The following CLYBL variants were observed in gnomAD, a reference collection of about 807,000 sequenced individuals.
CLYBL encodes the protein citramalyl-CoA lyase, mitochondrial.
A neutral mutation model predicts 38.9 loss-of-function variants in CLYBL; 31 were observed. That is an observed-to-expected ratio of 0.80 (90% CI 0.60 to 1.08). CLYBL has a LOEUF of 1.08. Among genes scored for constraint, CLYBL ranks in the 50% least tolerant of loss-of-function variants. The pLI is 0.00. For missense variants in CLYBL, 434 were observed against 411.6 expected, an observed-to-expected ratio of 1.05 and a Z score of -0.47; for synonymous variants, 171 against 158.6, an observed-to-expected ratio of 1.08 and a Z score of -0.59.
chr13:99,884,475 A>G (rs541122199), intron 7 of CLYBL, among the ~76,000 whole-genome samples: 30 of 152,284 alleles, frequency 2.0e-4, no homozygotes, highest in Non-Finnish European at 3.7e-4. Flanking sequence ...CACGTCCCAC[A>G]GGATGCCCCA....
At chr13:99,753,677 A>C (rs2048998183) in intron 1 of CLYBL, among the ~76,000 whole-genome samples, 1 of 152,192 alleles carries the variant, frequency 6.6e-6, no homozygotes, top group Admixed American at 6.5e-5. Flanking sequence ...TTTTAGTGGC[A>C]ATCTCTTTTT....
At chr13:99,646,809 C>A (rs966991253) in intron 1 of CLYBL, among the ~76,000 whole-genome samples, 1 of 151,996 alleles carries the variant, frequency 6.6e-6, no homozygotes, top group African/African-American at 2.4e-5. Context: ...CAGGCGTGAG[C>A]CACCACGCCT....
intron 1 of CLYBL, among the ~76,000 whole-genome samples, chr13:99,611,822 T>G (rs1369984367): frequency 1.3e-5 from 2 of 152,248 alleles, no homozygotes; most frequent in Admixed American, 6.5e-5. Context: ...TTGAGTAAGC[T>G]TTGGTAGTTT....
chr13:99,894,738 G>GA (rs1372884755), downstream of CLYBL: 1 of 58,228 alleles, frequency 1.7e-5, no homozygotes, highest in African/African-American at 6.6e-5. Context: ...GCCTGAGGCG[G>GA]GGGGGGGGGG....
chr13:99,743,290 G>A (rs970750194), intron 1 of CLYBL, among the ~76,000 whole-genome samples: 2 of 152,172 alleles, frequency 1.3e-5, no homozygotes, highest in Non-Finnish European at 2.9e-5. Flanking sequence ...ATGGGATTAA[G>A]TGCCTCTTGA....
chr13:99,738,533 G>C (rs909111935), intron 1 of CLYBL, among the ~76,000 whole-genome samples: 2 of 152,108 alleles, frequency 1.3e-5, no homozygotes, highest in African/African-American at 4.8e-5. Flanking sequence ...AAGTCTGTTC[G>C]TTGGTCAGTC....
intron 1 of CLYBL, among the ~76,000 whole-genome samples, chr13:99,673,355 G>A (rs1162752350): frequency 6.6e-6 from 1 of 151,306 alleles, no homozygotes; most frequent in Non-Finnish European, 1.5e-5. Flanking sequence ...AGAGGTTGCA[G>A]TAAGGTGAGA....
intron 1 of CLYBL, among the ~76,000 whole-genome samples, chr13:99,762,478 C>T (rs974054699): frequency 3.3e-5 from 5 of 152,118 alleles, no homozygotes; most frequent in African/African-American, 4.8e-5. Flanking sequence ...CTCATAAATG[C>T]GTGGATTTAT....
intron 1 of CLYBL, among the ~76,000 whole-genome samples, chr13:99,712,603 T>C (rs972106947): frequency 2.6e-5 from 4 of 152,104 alleles, no homozygotes; most frequent in Non-Finnish European, 5.9e-5. Flanking sequence ...TGCCTTGGCC[T>C]CCAAAAGTGC....
chr13:99,783,237 T>G (rs1441304330), intron 2 of CLYBL, among the ~76,000 whole-genome samples: 1 of 152,080 alleles, frequency 6.6e-6, no homozygotes, highest in Non-Finnish European at 1.5e-5. Flanking sequence ...GAGATGGGGT[T>G]TCACCATGTT....
intron 2 of CLYBL, among the ~76,000 whole-genome samples, chr13:99,837,683 G>GTCTT (rs141085794): frequency 0.03 from 4,632 of 152,260 alleles, 241 homozygotes; most frequent in African/African-American, 0.11. Flanking sequence ...TCTCAGGCAG[G>GTCTT]TCTTTCTTCT....
At chr13:99,897,433 CA>C (rs1189588526), downstream of CLYBL, among the ~76,000 whole-genome samples, 41 of 152,202 alleles carry the variant, frequency 2.7e-4, no homozygotes, top group Non-Finnish European at 1.5e-5. Context: ...TGTTCGAGAA[CA>C]AACCCATTCT....
At chr13:99,724,507 T>C (rs1228174060) in intron 1 of CLYBL, among the ~76,000 whole-genome samples, 1 of 151,548 alleles carries the variant, frequency 6.6e-6, no homozygotes, top group African/African-American at 2.4e-5. Flanking sequence ...CCCAGAGCAA[T>C]TAATGGCAGC....
At chr13:99,788,783 C>T (rs1190271898) in intron 2 of CLYBL, among the ~76,000 whole-genome samples, 3 of 152,180 alleles carry the variant, frequency 2.0e-5, no homozygotes, top group Non-Finnish European at 4.4e-5. Flanking sequence ...ATGGTACCAG[C>T]TCCTCCTTGT....
chr13:99,691,124 C>T (rs567680063), intron 1 of CLYBL, among the ~76,000 whole-genome samples: 5 of 152,242 alleles, frequency 3.3e-5, no homozygotes, highest in African/African-American at 1.2e-4. Flanking sequence ...CACATGGTAG[C>T]CTCATCCATA....
At chr13:99,697,300 T>C (rs1211922310) in intron 1 of CLYBL, among the ~76,000 whole-genome samples, 2 of 152,236 alleles carry the variant, frequency 1.3e-5, no homozygotes, top group Non-Finnish European at 2.9e-5. Flanking sequence ...CAAATGTCAC[T>C]AGCTTTTGAT....
At chr13:99,704,123 A>T (rs2048111066) in intron 1 of CLYBL, among the ~76,000 whole-genome samples, 1 of 152,224 alleles carries the variant, frequency 6.6e-6, no homozygotes, top group Admixed American at 6.5e-5. Flanking sequence ...TATATTGTTA[A>T]TGACATTCAG....
At chr13:99,834,598 AGCTCTG>A (rs1026321614) in intron 2 of CLYBL, among the ~76,000 whole-genome samples, 82 of 152,236 alleles carry the variant, frequency 5.4e-4, no homozygotes, top group African/African-American at 1.9e-3. Context: ...TGGCATATGT[AGCTCTG>A]CCTCCTCCTT....
chr13:99,687,245 A>G (rs1277870643), intron 1 of CLYBL, among the ~76,000 whole-genome samples: 1 of 152,234 alleles, frequency 6.6e-6, no homozygotes, highest in Non-Finnish European at 1.5e-5. Context: ...GGTTTTATGT[A>G]TCAGGCCTTA....
Sources: gnomAD v4.1 joint callset for allele counts (sites outside exome capture counted in the v4.1 genomes callset) on GRCh38, gnomAD v4.1.1 for gene constraint, MANE v1.5 for transcripts, NCBI Gene and HGNC (gene_info 2026-07-23, HGNC 2026-07-21) for gene names.